DISC1: variants seen among roughly 807,000 people sequenced by gnomAD.
The protein encoded by DISC1 is disrupted in schizophrenia 1 protein.
DISC1 carries 57 observed loss-of-function variants against 84.5 expected under a neutral mutation model. The ratio of observed to expected loss-of-function variants is 0.67; its 90% CI spans 0.55 to 0.84. The LOEUF is 0.84. DISC1 is among the 40% of genes least tolerant of loss of function. The pLI, the probability that DISC1 is intolerant of heterozygous loss-of-function variation, is 0.00. For synonymous variants in DISC1, 411 were observed against 415.2 expected (o/e 0.99, Z 0.12); for missense variants, 1,000 against 1,057.8 (o/e 0.95, Z 0.76).
At chr1:231,791,428 G>A (rs2078343962) in intron 6 of DISC1, among the ~76,000 whole-genome samples, 1 of 152,122 alleles carries the variant, frequency 6.6e-6, no homozygotes, top group South Asian at 2.1e-4. Context: ...AAATTTTCTT[G>A]TCTTACAATG....
At chr1:231,846,291 A>T (rs1389081231) in intron 9 of DISC1, among the ~76,000 whole-genome samples, 1 of 152,224 alleles carries the variant, frequency 6.6e-6, no homozygotes, top group Non-Finnish European at 1.5e-5. Context: ...TCCAGGCAGT[A>T]GGGCAAAGCC....
chr1:231,739,289 A>G (rs968020687), intron 3 of DISC1, among the ~76,000 whole-genome samples: 4 of 152,180 alleles, frequency 2.6e-5, no homozygotes, highest in African/African-American at 4.8e-5. Context: ...ACATTCTCCA[A>G]TAATCAGGAA....
At chr1:231,802,277 G>A (rs2079332570) in intron 8 of DISC1, among the ~76,000 whole-genome samples, 1 of 152,122 alleles carries the variant, frequency 6.6e-6, no homozygotes, top group South Asian at 2.1e-4. Flanking sequence ...CCCCCATGCT[G>A]TTTTCGTGAT....
rs182828319 is a variant in DISC1, at chr1:231,976,960, A to G, written c.2042+18072A>G. ...GTGCTGTATGCCTCCCAACAACCCA[A>G]TGAGGGGTGAGCGCTATTATTAACA... On this transcript the variant is annotated intron_variant, in intron 10 of 12. Coordinates refer to ENST00000439617, the MANE Select transcript of DISC1 (RefSeq NM_018662.3). Among the ~76,000 whole-genome samples, 181 of 152,218 alleles carry G rather than the reference A, an allele frequency of 1.2e-3. 1 individual carries two copies. The Middle Eastern group carries it at 0.031, about 26-fold the overall frequency.
intron 1 of DISC1, among the ~76,000 whole-genome samples, chr1:231,638,220 A>C (rs997608457): frequency 2.0e-5 from 3 of 152,102 alleles, no homozygotes; most frequent in African/African-American, 7.2e-5. Flanking sequence ...GGTTCCTTGC[A>C]TATTCTGGAT....
chr1:231,837,661 C>T (rs943470359), intron 9 of DISC1, among the ~76,000 whole-genome samples: 1 of 152,148 alleles, frequency 6.6e-6, no homozygotes, highest in African/African-American at 2.4e-5. Flanking sequence ...ATTTAACTCT[C>T]TACATGTGAA....
At chr1:231,786,453 A>C (rs200225842) in intron 6 of DISC1, among the ~76,000 whole-genome samples, 49 of 152,306 alleles carry the variant, frequency 3.2e-4, no homozygotes, top group South Asian at 6.2e-4. Context: ...TCTTTGGGGC[A>C]GGTGTGTTGT....
intron 1 of DISC1, among the ~76,000 whole-genome samples, chr1:231,693,162 A>G (rs2065246470): frequency 6.6e-6 from 1 of 152,238 alleles, no homozygotes; most frequent in South Asian, 2.1e-4. Context: ...GAACCAGTCA[A>G]TGAGGAGTCA....
At chr1:231,883,827 G>A (rs1014421513) in intron 9 of DISC1, among the ~76,000 whole-genome samples, 8 of 152,236 alleles carry the variant, frequency 5.3e-5, no homozygotes, top group South Asian at 4.2e-4. Flanking sequence ...AACATGATGC[G>A]TTCAGGGTTA....
chr1:231,847,332 C>T (rs978389529), intron 9 of DISC1, among the ~76,000 whole-genome samples: 18 of 152,170 alleles, frequency 1.2e-4, no homozygotes, highest in African/African-American at 4.1e-4. Context: ...TCTCTAAAGA[C>T]CGTGTCTCCA....
At chr1:231,831,234 G>A (rs917521283) in intron 9 of DISC1, among the ~76,000 whole-genome samples, 3 of 152,168 alleles carry the variant, frequency 2.0e-5, no homozygotes, top group African/African-American at 7.2e-5. Context: ...ATCCCCAAGG[G>A]GTAGTAGAAT....
chr1:231,652,913 A>G (rs945816501), intron 1 of DISC1, among the ~76,000 whole-genome samples: 4 of 152,008 alleles, frequency 2.6e-5, no homozygotes, highest in Non-Finnish European at 4.4e-5. Context: ...CTGAGTAGCT[A>G]GGATTACAGG....
intron 9 of DISC1, among the ~76,000 whole-genome samples, chr1:231,891,140 G>A (rs1180258394): frequency 6.6e-6 from 1 of 152,084 alleles, no homozygotes; most frequent in Non-Finnish European, 1.5e-5. Flanking sequence ...GCTTCCCTGG[G>A]CCACACTTGA....
chr1:231,697,375 G>A (rs569493853), intron 2 of DISC1, among the ~76,000 whole-genome samples: 1 of 152,180 alleles, frequency 6.6e-6, no homozygotes, highest in Non-Finnish European at 1.5e-5. Context: ...GTGTGAATTC[G>A]TCTACTTGCT....
intron 3 of DISC1, chr1:231,720,992 T>C (rs553352862): frequency 1.4e-4 from 180 of 1,290,846 alleles, no homozygotes; most frequent in Non-Finnish European, 1.8e-4. Flanking sequence ...GAACAGCAAC[T>C]GTGGATACGG....
intron 3 of DISC1, among the ~76,000 whole-genome samples, chr1:231,748,126 G>GT (rs1471188507): frequency 1.3e-5 from 2 of 152,100 alleles, no homozygotes; most frequent in East Asian, 1.9e-4. Flanking sequence ...AGTTCTAAGA[G>GT]TTTTTTTGCT....
intron 1 of DISC1, among the ~76,000 whole-genome samples, chr1:231,636,035 A>T (rs1203853122): frequency 1.3e-5 from 2 of 152,186 alleles, no homozygotes; most frequent in Non-Finnish European, 2.9e-5. Context: ...GTCTAGATGG[A>T]TGGATAGATG....
chr1:231,816,370 C>T (rs887914109), intron 8 of DISC1, among the ~76,000 whole-genome samples: 1 of 152,168 alleles, frequency 6.6e-6, no homozygotes, highest in Non-Finnish European at 1.5e-5. Flanking sequence ...TTCTCCAAGT[C>T]TGTGACTTGT....
At chr1:231,862,895 C>G (rs1270308440) in intron 9 of DISC1, among the ~76,000 whole-genome samples, 1 of 152,094 alleles carries the variant, frequency 6.6e-6, no homozygotes, top group Non-Finnish European at 1.5e-5. Context: ...TTATTTCTCA[C>G]CTTGAAGGTA....
Sources: gnomAD v4.1 joint callset for allele counts (sites outside exome capture counted in the v4.1 genomes callset) on GRCh38, gnomAD v4.1.1 for gene constraint, MANE v1.5 for transcripts, NCBI Gene and HGNC (gene_info 2026-07-23, HGNC 2026-07-21) for gene names.